The following TMEM74 variants were observed in gnomAD, a reference collection of about 807,000 sequenced individuals.
The protein encoded by TMEM74 is transmembrane protein 74.
TMEM74 carries 13 observed loss-of-function variants against 18.1 expected under a neutral mutation model. That is an observed-to-expected ratio of 0.72 (90% confidence interval 0.47 to 1.14). The LOEUF is 1.14. TMEM74 is among the 50% of genes most tolerant of loss of function. TMEM74 has a pLI of 0.00. For synonymous variants in TMEM74, 159 were observed against 146.6 expected, an observed-to-expected ratio of 1.08 and a Z score of -0.61; for missense variants, 372 against 375.9, an observed-to-expected ratio of 0.99 and a Z score of 0.09.
intron 1 of TMEM74, among the ~76,000 whole-genome samples, chr8:108,676,754 C>A (rs181529393): frequency 1.3e-5 from 2 of 152,108 alleles, no homozygotes; most frequent in South Asian, 2.1e-4. Context: ...CCTATCTCAA[C>A]GAAAATCTCA....
chr8:108,762,651 C>T (rs1814058613), intron 1 of TMEM74, among the ~76,000 whole-genome samples: 1 of 152,058 alleles, frequency 6.6e-6, no homozygotes. Context: ...TCTCATATCT[C>T]CCCATCTTTT....
Position 108,657,877 on chromosome 8 carries a change from T to TTA in TMEM74, n.120-2441_120-2440insTA, listed in dbSNP as rs1212759294. On this transcript the variant is annotated intron_variant and non_coding_transcript_variant, in intron 1 of 3. Coordinates refer to the TMEM74 transcript ENST00000518838. The stretch of plus-strand genomic sequence containing the variant: ...AAAAAAAAATATATATATATATATA[T>TTA]ATATATATATATATATATATATATA... Among the ~76,000 whole-genome samples, 169 of 70,900 alleles carry TTA rather than the reference T, an allele frequency of 2.4e-3. 23 individuals carry two copies. Among genetic ancestry groups the TTA allele is most frequent in the African/African-American group, 9.2e-3 (151 of 16,352 alleles). The allele number at this position is 70,900 out of a possible 152,430, so 46.5% of individuals were successfully genotyped here. A position where few individuals can be genotyped will look rare whatever the true frequency, so the allele number is the denominator to read the frequency against.
At chr8:108,626,322 TC>T (rs1812492276) in intron 2 of TMEM74, among the ~76,000 whole-genome samples, 2 of 152,044 alleles carry the variant, frequency 1.3e-5, no homozygotes, top group South Asian at 4.1e-4. Context: ...CTCTTACAAT[TC>T]AGAATTTTAT....
intron 2 of TMEM74, among the ~76,000 whole-genome samples, chr8:108,629,168 C>T (rs187948642): frequency 4.3e-4 from 65 of 151,900 alleles, no homozygotes; most frequent in Admixed American, 3.7e-3. Flanking sequence ...AAACACAGCA[C>T]GAGAACTTCA....
intron 1 of TMEM74, among the ~76,000 whole-genome samples, chr8:108,762,972 C>A (rs778189737): frequency 3.3e-5 from 5 of 152,150 alleles, no homozygotes; most frequent in African/African-American, 1.2e-4. Context: ...TTAGCAAAAT[C>A]TCTAGAATTT....
At chr8:108,740,387 C>T (rs530239817) in intron 1 of TMEM74, among the ~76,000 whole-genome samples, 46 of 152,246 alleles carry the variant, frequency 3.0e-4, no homozygotes, top group Middle Eastern at 3.4e-3. Context: ...ACTTCTGTCC[C>T]GTTCTATGGT....
chr8:108,735,238 A>G (rs1813736516), intron 1 of TMEM74, among the ~76,000 whole-genome samples: 1 of 152,226 alleles, frequency 6.6e-6, no homozygotes, highest in Non-Finnish European at 1.5e-5. Context: ...TCACCTATTT[A>G]ATTGTATAAT....
At chr8:108,683,618 ATT>A (rs1813137631) in intron 1 of TMEM74, among the ~76,000 whole-genome samples, 1 of 152,002 alleles carries the variant, frequency 6.6e-6, no homozygotes. Flanking sequence ...CATTGTACAT[ATT>A]CATGGGGTAC....
At chr8:108,614,339 A>G (rs1041097767) in intron 2 of TMEM74, among the ~76,000 whole-genome samples, 2 of 152,070 alleles carry the variant, frequency 1.3e-5, no homozygotes, top group Non-Finnish European at 2.9e-5. Context: ...CTTAGTTCCA[A>G]TACCCCTGAG....
intron 2 of TMEM74, among the ~76,000 whole-genome samples, chr8:108,642,488 G>C (rs975193159): frequency 3.3e-5 from 5 of 151,884 alleles, no homozygotes; most frequent in East Asian, 1.9e-4. Context: ...AATCGACAAA[G>C]CTGGTAAACT....
intron 1 of TMEM74, among the ~76,000 whole-genome samples, chr8:108,669,459 T>C (rs913979287): frequency 3.3e-5 from 5 of 152,074 alleles, no homozygotes; most frequent in Admixed American, 3.3e-4. Flanking sequence ...CAGAGAAAAT[T>C]TGGGCTGGTG....
intron 1 of TMEM74, among the ~76,000 whole-genome samples, chr8:108,666,106 T>C (rs1231999741): frequency 6.6e-6 from 1 of 152,162 alleles, no homozygotes; most frequent in Admixed American, 6.6e-5. Flanking sequence ...ACTGAACTTT[T>C]AGGCACAGGT....
chr8:108,632,892 C>T (rs1289584498), intron 2 of TMEM74, among the ~76,000 whole-genome samples: 1 of 151,994 alleles, frequency 6.6e-6, no homozygotes, highest in Non-Finnish European at 1.5e-5. Flanking sequence ...TTAAGTAGAA[C>T]ATGTTCTTCT....
intron 1 of TMEM74, among the ~76,000 whole-genome samples, chr8:108,764,069 G>T (rs536720124): frequency 6.6e-6 from 1 of 152,128 alleles, no homozygotes; most frequent in Admixed American, 6.5e-5. Context: ...TTCAGAAACT[G>T]CCATTTCTAC....
At chr8:108,668,886 A>G (rs1180268303) in intron 1 of TMEM74, among the ~76,000 whole-genome samples, 2 of 151,852 alleles carry the variant, frequency 1.3e-5, no homozygotes, top group African/African-American at 4.8e-5. Flanking sequence ...CTTGGTCCTA[A>G]AGCATTGGAG....
intron 1 of TMEM74, among the ~76,000 whole-genome samples, chr8:108,658,139 A>G (rs1014607556): frequency 6.6e-6 from 1 of 151,590 alleles, no homozygotes; most frequent in East Asian, 1.9e-4. Flanking sequence ...TAAGGCCTGT[A>G]TTGGAATTAT....
At chr8:108,615,450 C>T (rs1812373479) in intron 2 of TMEM74, among the ~76,000 whole-genome samples, 1 of 152,184 alleles carries the variant, frequency 6.6e-6, no homozygotes, top group Non-Finnish European at 1.5e-5. Flanking sequence ...GCTGAGGTTC[C>T]AGTTAACAGG....
intron 1 of TMEM74, among the ~76,000 whole-genome samples, chr8:108,735,071 T>C (rs1433106542): frequency 6.6e-6 from 1 of 152,186 alleles, no homozygotes. Flanking sequence ...TCTCCGTCAA[T>C]GTCCATGTAG....
chr8:108,765,225 G>C (rs1814090716), intron 1 of TMEM74, among the ~76,000 whole-genome samples: 2 of 152,082 alleles, frequency 1.3e-5, no homozygotes, highest in Non-Finnish European at 2.9e-5. Flanking sequence ...TCTGAGAAAA[G>C]AGGTTCAGGT....
Sources: gnomAD v4.1 joint callset for allele counts (sites outside exome capture counted in the v4.1 genomes callset) on GRCh38, gnomAD v4.1.1 for gene constraint, MANE v1.5 for transcripts, NCBI Gene and HGNC (gene_info 2026-07-23, HGNC 2026-07-21) for gene names.